The following TNFAIP8L3 variants were observed in gnomAD, a reference collection of about 807,000 sequenced individuals.
The protein encoded by TNFAIP8L3 is tumor necrosis factor alpha-induced protein 8-like protein 3.
TNFAIP8L3 carries 7 observed loss-of-function variants against 11.8 expected under a neutral mutation model. The ratio of observed to expected loss-of-function variants is 0.59; its 90% CI spans 0.34 to 1.11. The LOEUF is 1.11. TNFAIP8L3 is among the 50% of genes most tolerant of loss of function. The pLI is 0.03. For synonymous variants in TNFAIP8L3, 98 were observed against 103.8 expected (o/e 0.94, Z 0.34); for missense variants, 219 against 258.6 (o/e 0.85, Z 1.05).
chr15:51,092,279 T>C (rs188029017), intron 1 of TNFAIP8L3, among the ~76,000 whole-genome samples: 18 of 152,372 alleles, frequency 1.2e-4, no homozygotes, highest in African/African-American at 4.3e-4. Context: ...GTTACACCCA[T>C]TCAGCTTTCA....
At chr15:51,059,622 A>G (rs970533701) in intron 1 of TNFAIP8L3, among the ~76,000 whole-genome samples, 1 of 152,270 alleles carries the variant, frequency 6.6e-6, no homozygotes. Flanking sequence ...CACAGCACCT[A>G]GCTCGTTCTG....
At chr15:51,071,693 C>G (rs976317523) in intron 1 of TNFAIP8L3, among the ~76,000 whole-genome samples, 1 of 152,236 alleles carries the variant, frequency 6.6e-6, no homozygotes, top group African/African-American at 2.4e-5. Context: ...ACAACAGTCT[C>G]CTGGGGTCTA....
Position 51,094,724 on chromosome 15 carries a change from G to C in TNFAIP8L3, c.-129C>G, listed in dbSNP as rs2065499114. The C allele has an allele frequency of 1.0e-6, 1 of 985,484 alleles. No individual in the cohort carries two copies. Among genetic ancestry groups the C allele is most frequent in the South Asian group, 4.5e-5 (1 of 22,078 alleles). The allele number at this position is 985,484 out of a possible 1,614,324, so 61.0% of individuals were successfully genotyped here. ...GCGGCGCGGGCGGCGCGGGCTGGGCGGTGCGCGGCGGCAGCGGCCAGGGGG... is the reference window on the plus strand; with the variant it reads ...GCGGCGCGGGCGGCGCGGGCTGGGCCGTGCGCGGCGGCAGCGGCCAGGGGG... On this transcript the variant is annotated 5_prime_UTR_variant, in exon 1 of 2. Coordinates refer to ENST00000637513, the MANE Select transcript of TNFAIP8L3 (RefSeq NM_001311175.2). This position sits in a 1 kb window ranked among gnomAD's most constrained non-coding sequence, Gnocchi z 4.4.
At chr15:51,065,916 G>C (rs2065267874) in intron 1 of TNFAIP8L3, among the ~76,000 whole-genome samples, 1 of 152,132 alleles carries the variant, frequency 6.6e-6, no homozygotes, top group South Asian at 2.1e-4. Context: ...AAACAATCTG[G>C]AGTGCTTAAT....
At chr15:51,096,945 A>T (rs973471811), upstream of TNFAIP8L3, among the ~76,000 whole-genome samples, 2 of 152,046 alleles carry the variant, frequency 1.3e-5, no homozygotes, top group Admixed American at 6.5e-5. Flanking sequence ...CAAAATTTGG[A>T]TACAAGATGA....
intron 1 of TNFAIP8L3, among the ~76,000 whole-genome samples, chr15:51,089,068 T>C (rs924265185): frequency 2.6e-5 from 4 of 152,210 alleles, no homozygotes; most frequent in African/African-American, 9.7e-5. Context: ...GTAGCTCAGC[T>C]TCTCTGCCCA....
intron 1 of TNFAIP8L3, among the ~76,000 whole-genome samples, chr15:51,072,989 C>CTTTTTTT (rs2065321403): frequency 4.4e-5 from 2 of 45,754 alleles, no homozygotes; most frequent in African/African-American, 1.0e-4. Flanking sequence ...AAACTGGGAT[C>CTTTTTTT]CTTTTTTTTT....
intron 1 of TNFAIP8L3, among the ~76,000 whole-genome samples, chr15:51,079,194 A>G (rs1567292124): frequency 6.6e-6 from 1 of 152,178 alleles, no homozygotes; most frequent in Non-Finnish European, 1.5e-5. Context: ...GCACTTTTGC[A>G]TTTTCTGTCC....
rs193240441 is a variant in TNFAIP8L3 at position 51,074,958 on chromosome 15, C to T, written c.53-16515G>A. ...GCACTGCGACTGGCCATCTACTTTC[C>T]GCATCCGGTGCTGAGTTCTTAGGGA... is the stretch of plus-strand genomic sequence containing the variant. On this transcript the variant is annotated intron_variant, in intron 1 of 1. Transcript: ENST00000637513. 5.9e-5 allele frequency among the ~76,000 whole-genome samples: 9 copies of T among 152,316 alleles called. No homozygotes were observed. The South Asian group carries it at 8.3e-4, about 14-fold the overall frequency.
chr15:51,070,016 T>C (rs1223437053), intron 1 of TNFAIP8L3, among the ~76,000 whole-genome samples: 1 of 152,262 alleles, frequency 6.6e-6, no homozygotes, highest in African/African-American at 2.4e-5. Context: ...TCTTATGTGA[T>C]AGAACATACT....
chr15:51,094,733 C>A lies in TNFAIP8L3; in HGVS notation c.-138G>T. On this transcript the variant is annotated 5_prime_UTR_variant, in exon 1 of 2. Transcript: ENST00000637513. The surrounding 1 kb of genome is among the most constrained non-coding windows in gnomAD (Gnocchi z 4.4). ...GCGGCGCGGGCTGGGCGGTGCGCGG[C>A]GGCAGCGGCCAGGGGGCGGCTCCGC... is the stretch of plus-strand genomic sequence containing the variant. The A allele has an allele frequency of 1.0e-5, 10 of 980,292 alleles. No individual in the cohort carries two copies. The highest frequency in any genetic ancestry group is 1.2e-5 in the Non-Finnish European group (10 of 828,264). 60.7% of individuals were successfully genotyped at this position (980,292 alleles called of 1,614,324 possible). A position where few individuals can be genotyped will look rare whatever the true frequency, so the allele number is the denominator to read the frequency against.
chr15:51,074,706 A>G (rs1259284005), intron 1 of TNFAIP8L3, among the ~76,000 whole-genome samples: 1 of 152,212 alleles, frequency 6.6e-6, no homozygotes, highest in East Asian at 1.9e-4. Flanking sequence ...CCAGAAGTCA[A>G]GCCAGCTCTC....
chr15:51,068,365 A>G (rs1595608041), intron 1 of TNFAIP8L3, among the ~76,000 whole-genome samples: 1 of 152,146 alleles, frequency 6.6e-6, no homozygotes, highest in South Asian at 2.1e-4. Flanking sequence ...GGAGATAGTG[A>G]CACCAGCCTG....
At chr15:51,067,956 C>A (rs2065282449) in intron 1 of TNFAIP8L3, among the ~76,000 whole-genome samples, 1 of 152,200 alleles carries the variant, frequency 6.6e-6, no homozygotes, top group Admixed American at 6.5e-5. Context: ...AGAAATGGGC[C>A]ATCTACATTT....
At chr15:51,080,400 C>A (rs963352999) in intron 1 of TNFAIP8L3, among the ~76,000 whole-genome samples, 2 of 152,114 alleles carry the variant, frequency 1.3e-5, no homozygotes, top group African/African-American at 2.4e-5. Flanking sequence ...ATCAACTAAT[C>A]AACTGCTTCC....
chr15:51,095,193 T>C (rs2065504462), upstream of TNFAIP8L3, among the ~76,000 whole-genome samples: 1 of 149,648 alleles, frequency 6.7e-6, no homozygotes, highest in Admixed American at 6.7e-5. Context: ...CTGTGTTTGT[T>C]TTCTCACTAG....
upstream of TNFAIP8L3, among the ~76,000 whole-genome samples, chr15:51,096,745 G>A (rs2065515827): frequency 6.6e-6 from 1 of 151,946 alleles, no homozygotes; most frequent in Non-Finnish European, 1.5e-5. Flanking sequence ...CACAAAATTA[G>A]CCAGGTGTGG....
chr15:51,098,246 G>A (rs1024169042), upstream of TNFAIP8L3, among the ~76,000 whole-genome samples: 1 of 152,190 alleles, frequency 6.6e-6, no homozygotes, highest in Non-Finnish European at 1.5e-5. Flanking sequence ...GGATGGAAAG[G>A]GAGCTGTCTG....
At chr15:51,103,865 G>A (rs1429384848) in intron 1 of TNFAIP8L3, among the ~76,000 whole-genome samples, 1 of 152,246 alleles carries the variant, frequency 6.6e-6, no homozygotes, top group Non-Finnish European at 1.5e-5. Context: ...AAACAAGCAT[G>A]TGGGACATGT....
Sources: gnomAD v4.1 joint callset for allele counts (sites outside exome capture counted in the v4.1 genomes callset) on GRCh38, gnomAD v4.1.1 for gene constraint, Gnocchi (gnomAD v3.1) non-coding constraint, MANE v1.5 for transcripts, NCBI Gene and HGNC (gene_info 2026-07-23, HGNC 2026-07-21) for gene names.